SLC16A1: variants seen among roughly 807,000 people sequenced by gnomAD.
SLC16A1 encodes the protein monocarboxylate transporter 1.
A neutral mutation model predicts 32.2 loss-of-function variants in SLC16A1; 11 were observed. The observed-to-expected ratio is 0.34, with a 90% CI of 0.21 to 0.56. The LOEUF is 0.56. SLC16A1 is among the 20% of genes least tolerant of loss of function. The pLI, the probability that SLC16A1 is intolerant of heterozygous loss-of-function variation, is 0.87. For missense variants in SLC16A1, 435 were observed against 615.0 expected (o/e 0.71, Z 3.10); for synonymous variants, 231 against 226.8 (o/e 1.02, Z -0.17).
chr1:112,954,108 C>T (rs1649994946), intron 1 of SLC16A1, among the ~76,000 whole-genome samples: 1 of 152,162 alleles, frequency 6.6e-6, no homozygotes, highest in Admixed American at 6.5e-5. Flanking sequence ...GACTGTTTTC[C>T]TCATACCCAA....
chr1:112,955,789 C>A (rs569606739), intron 1 of SLC16A1: 46 of 152,512 alleles, frequency 3.0e-4, no homozygotes, highest in African/African-American at 1.1e-3. Context: ...GGCCTGGGAC[C>A]GGCATCTTAG....
chr1:112,951,924 T>C (rs111678662), intron 1 of SLC16A1, among the ~76,000 whole-genome samples: 2 of 152,228 alleles, frequency 1.3e-5, no homozygotes, highest in African/African-American at 4.8e-5. Flanking sequence ...AATGGTAGAA[T>C]TAAAGGCATA....
chr1:112,939,235 T>C (rs1649420509), intron 1 of SLC16A1, among the ~76,000 whole-genome samples: 2 of 152,012 alleles, frequency 1.3e-5, no homozygotes, highest in African/African-American at 4.8e-5. Context: ...AGAACAAGAA[T>C]TGGTAAGGAT....
chr1:112,923,413 T>G, intron 2 of SLC16A1: 1 of 654,630 alleles, frequency 1.5e-6, no homozygotes, highest in South Asian at 1.6e-5. Flanking sequence ...AGTCTCCTGT[T>G]GCCGCCATCA....
chr1:112,922,857 C>T (rs889852338), intron 2 of SLC16A1, among the ~76,000 whole-genome samples: 6 of 152,252 alleles, frequency 3.9e-5, no homozygotes, highest in East Asian at 1.9e-4. Context: ...TGATAGGAGA[C>T]GTATAAATGC....
At chr1:112,949,107 C>T (rs541850599) in intron 1 of SLC16A1, among the ~76,000 whole-genome samples, 2 of 152,050 alleles carry the variant, frequency 1.3e-5, no homozygotes, top group Admixed American at 6.5e-5. Flanking sequence ...CCGCCTGCCT[C>T]GCACTCCCAA....
intron 1 of SLC16A1, among the ~76,000 whole-genome samples, chr1:112,939,040 G>A (rs1297729200): frequency 5.3e-5 from 8 of 151,392 alleles, no homozygotes; most frequent in Admixed American, 4.0e-4. Context: ...GCAGGCACAC[G>A]CCACCATGCC....
At position 112,944,994 on chromosome 1, in the gene SLC16A1, C is replaced by CT. The variant is rs151186476; in HGVS notation, c.-45+11040dup. Among the ~76,000 whole-genome samples the CT allele has an allele frequency of 7.5e-3, 924 of 123,262 alleles. 3 individuals carry two copies. The highest frequency in any genetic ancestry group is 0.011 in the Non-Finnish European group (689 of 60,096). 80.9% of individuals were successfully genotyped at this position (123,262 alleles called of 152,430 possible). ...AGGCCTGAGCCACTGCACCCAGCCT[C>CT]TTTTTTTTTTTTTTTTTTGTTTGAG... On this transcript the variant is annotated intron_variant, in intron 1 of 4. Transcript: ENST00000369626.
At chr1:112,925,205 T>C (rs1486130031) in intron 2 of SLC16A1, among the ~76,000 whole-genome samples, 1 of 152,182 alleles carries the variant, frequency 6.6e-6, no homozygotes, top group African/African-American at 2.4e-5. Context: ...GCGACCAGTC[T>C]CCCTCTGTGG....
chr1:112,923,850 T>C, intron 2 of SLC16A1: 3 of 1,510,272 alleles, frequency 2.0e-6, no homozygotes, highest in Admixed American at 1.7e-5. Context: ...GCCCACTGTG[T>C]ACCAGGGCAT....
At chr1:112,938,184 A>T (rs924577042) in intron 1 of SLC16A1, among the ~76,000 whole-genome samples, 1 of 152,194 alleles carries the variant, frequency 6.6e-6, no homozygotes, top group African/African-American at 2.4e-5. Flanking sequence ...AGTATCTAAA[A>T]CCAATAACCT....
intron 1 of SLC16A1, among the ~76,000 whole-genome samples, chr1:112,937,954 T>G (rs1649364734): frequency 6.6e-6 from 1 of 152,202 alleles, no homozygotes; most frequent in African/African-American, 2.4e-5. Context: ...TATTTTTTTC[T>G]CGTAACTCTC....
At chr1:112,943,127 T>C (rs1202746841) in intron 1 of SLC16A1, among the ~76,000 whole-genome samples, 1 of 152,200 alleles carries the variant, frequency 6.6e-6, no homozygotes, top group African/African-American at 2.4e-5. Flanking sequence ...GAGGCTATTA[T>C]ATAAGAAAGG....
chr1:112,914,998 G>C (rs999540982), intron 4 of SLC16A1, among the ~76,000 whole-genome samples: 4 of 152,120 alleles, frequency 2.6e-5, no homozygotes, highest in Non-Finnish European at 4.4e-5. Context: ...GTATCTCTGG[G>C]AAAATTCTAC....
At position 112,917,460 on chromosome 1, in the gene SLC16A1, TA is replaced by T; in HGVS notation, c.945del (p.Met316TrpfsTer4). 6.2e-7 allele frequency: 1 copy of T among 1,614,166 alleles called. No individual in the cohort carries two copies. On this transcript the variant is annotated frameshift_variant, in exon 4 of 5. Coordinates refer to ENST00000369626, the MANE Select transcript of SLC16A1 (RefSeq NM_003051.4). LOFTEE classifies it high-confidence loss of function. This position sits in a 1 kb window ranked among gnomAD's most constrained non-coding sequence, Gnocchi z 4.1. ...LAFVDMVARP[S>X]MGLVANTKPI... ...GGCTTTGTGTTGGCTACAAGTCCCA[TA>T]GATGGTCGGGCTACCATGTCAACAA...
intron 1 of SLC16A1, among the ~76,000 whole-genome samples, chr1:112,944,080 G>A (rs996748478): frequency 3.3e-5 from 5 of 152,214 alleles, no homozygotes; most frequent in African/African-American, 4.8e-5. Flanking sequence ...GCTGGAGGTT[G>A]AGAAGGGGAG....
intron 4 of SLC16A1, among the ~76,000 whole-genome samples, chr1:112,914,413 CTGGAAA>C (rs1446116079): frequency 6.6e-6 from 1 of 152,172 alleles, no homozygotes. Flanking sequence ...TCTTGGCAAA[CTGGAAA>C]TGGAAGAGAC....
rs1202792231 is a variant in SLC16A1 at position 112,922,072 on chromosome 1, G to A, written c.279C>T (p.Gly93=). ...CAATCAAGCCACAGCCTGACAAGCA[G>A]CCACCAACAATCATGACTATACGAC... ...YGSRIVMIVG[G]CLSGCGLIAA... Residue 93 remains glycine, a synonymous_variant, in exon 3 of 5, where the codon GGC becomes GGT. Coordinates refer to ENST00000369626, the MANE Select transcript of SLC16A1 (RefSeq NM_003051.4). The A allele has an allele frequency of 6.2e-7, 1 of 1,613,994 alleles. No homozygotes were observed. The highest frequency in any genetic ancestry group is 2.2e-5 in the East Asian group (1 of 44,884).
chr1:112,934,915 C>T (rs370746569), intron 1 of SLC16A1, among the ~76,000 whole-genome samples: 3 of 152,254 alleles, frequency 2.0e-5, no homozygotes, highest in East Asian at 1.9e-4. Context: ...ACCAATTAAC[C>T]GTGAGCAAAC....
Sources: allele counts gnomAD v4.1 joint callset (sites outside exome capture counted in the v4.1 genomes callset), GRCh38; gene constraint gnomAD v4.1.1; non-coding constraint Gnocchi (gnomAD v3.1); transcripts MANE v1.5; gene names NCBI Gene and HGNC (gene_info 2026-07-23, HGNC 2026-07-21).